GNAL: variants seen among roughly 807,000 people sequenced by gnomAD.
The protein encoded by GNAL is guanine nucleotide-binding protein G(olf) subunit alpha.
GNAL carries 18 observed loss-of-function variants against 55.1 expected under a neutral mutation model. The ratio of observed to expected loss-of-function variants is 0.33; its 90% CI spans 0.23 to 0.48. GNAL has a LOEUF of 0.48. GNAL is among the 20% of genes least tolerant of loss of function. The pLI is 0.99. For missense variants in GNAL, 412 were observed against 614.1 expected (o/e 0.67, Z 3.48); for synonymous variants, 253 against 237.0 (o/e 1.07, Z -0.62).
chr18:11,754,075 A>G lies in GNAL; in HGVS notation c.624+130A>G, dbSNP rs187898019. ...CTTCGAAATCCAGCTCTCTAAATGC[A>G]TAAGAGGAATACTTATTCTGTACCA... On this transcript the variant is annotated intron_variant, in intron 4 of 11. Coordinates refer to ENST00000334049, the MANE Select transcript of GNAL (RefSeq NM_182978.4). The G allele has an allele frequency of 1.7e-4, 123 of 706,764 alleles. No individual in the cohort carries two copies. The African/African-American group carries it at 2.0e-3, about 12-fold the overall frequency. The allele number at this position is 706,764 out of a possible 1,614,324, so 43.8% of individuals were successfully genotyped here. A position where few individuals can be genotyped will look rare whatever the true frequency, so the allele number is the denominator to read the frequency against.
chr18:11,778,506 C>T (rs1443729338), intron 4 of GNAL, among the ~76,000 whole-genome samples: 1 of 152,134 alleles, frequency 6.6e-6, no homozygotes, highest in African/African-American at 2.4e-5. Flanking sequence ...CAAAAACAGT[C>T]TTAGCTTCTC....
intron 4 of GNAL, among the ~76,000 whole-genome samples, chr18:11,785,530 G>C (rs1216394474): frequency 1.3e-5 from 2 of 152,226 alleles, no homozygotes; most frequent in African/African-American, 4.8e-5. Flanking sequence ...CCCAGGCCTG[G>C]AGGCTGCAGG....
chr18:11,806,766 A>G (rs913005328), intron 4 of GNAL, among the ~76,000 whole-genome samples: 1 of 149,814 alleles, frequency 6.7e-6, no homozygotes, highest in Non-Finnish European at 1.5e-5. Context: ...TCTTAAGTTC[A>G]GGGATAATTT....
intron 1 of GNAL, among the ~76,000 whole-genome samples, chr18:11,698,142 G>A (rs768967074): frequency 2.3e-4 from 35 of 152,288 alleles, no homozygotes; most frequent in Admixed American, 1.8e-3. Flanking sequence ...AGCCAAGAAA[G>A]GAAGAGGTTT....
At position 11,868,780 on chromosome 18, in the gene GNAL, G is replaced by A; in HGVS notation, c.1031+117G>A. 1.3e-6 allele frequency: 1 copy of A among 777,572 alleles called. No homozygotes were observed. The highest frequency in any genetic ancestry group is 2.0e-6 in the Non-Finnish European group (1 of 494,142). 48.2% of individuals were successfully genotyped at this position (777,572 alleles called of 1,614,324 possible). A position where few individuals can be genotyped will look rare whatever the true frequency, so the allele number is the denominator to read the frequency against. On this transcript the variant is annotated intron_variant, in intron 9 of 11. Transcript: ENST00000334049. The surrounding 1 kb of genome is among the most constrained non-coding windows in gnomAD (Gnocchi z 4.0). ...GTAATCTCAACACTGGGAGGCCGAG[G>A]CAGGTGTGTCACTTGAGCTCAGCAG...
At chr18:11,787,664 G>A (rs2034097859) in intron 4 of GNAL, among the ~76,000 whole-genome samples, 1 of 152,204 alleles carries the variant, frequency 6.6e-6, no homozygotes, top group African/African-American at 2.4e-5. Flanking sequence ...CACGAGGTCA[G>A]GAGATCGAGA....
chr18:11,799,099 C>T (rs1245781171), intron 4 of GNAL, among the ~76,000 whole-genome samples: 1 of 149,818 alleles, frequency 6.7e-6, no homozygotes, highest in African/African-American at 2.5e-5. Context: ...GGCAACAGAG[C>T]GAGAGTCTGT....
chr18:11,769,624 CTTA>C (rs2033569904), intron 4 of GNAL, among the ~76,000 whole-genome samples: 1 of 152,150 alleles, frequency 6.6e-6, no homozygotes, highest in Non-Finnish European at 1.5e-5. Flanking sequence ...CACGTAATTA[CTTA>C]GTGTTTAAAG....
At chr18:11,860,769 G>C (rs764845845) in intron 5 of GNAL, among the ~76,000 whole-genome samples, 1 of 152,168 alleles carries the variant, frequency 6.6e-6, no homozygotes, top group African/African-American at 2.4e-5. Flanking sequence ...GGTGGACTCC[G>C]AACCCCTGGT....
chr18:11,695,028 C>T (rs1434094203), intron 1 of GNAL, among the ~76,000 whole-genome samples: 2 of 152,040 alleles, frequency 1.3e-5, no homozygotes, highest in African/African-American at 2.4e-5. Flanking sequence ...ACTTAAGGGC[C>T]CTATGTCCAA....
chr18:11,766,838 C>G (rs2033422258), intron 4 of GNAL, among the ~76,000 whole-genome samples: 1 of 152,176 alleles, frequency 6.6e-6, no homozygotes, highest in African/African-American at 2.4e-5. Flanking sequence ...TGAGGGAGAT[C>G]ATAAATTGAA....
chr18:11,729,783 G>A (rs1037431092), intron 1 of GNAL, among the ~76,000 whole-genome samples: 1 of 152,094 alleles, frequency 6.6e-6, no homozygotes, highest in East Asian at 1.9e-4. Context: ...GGCTGCTCGC[G>A]GCTGGCAGAA....
intron 1 of GNAL, among the ~76,000 whole-genome samples, chr18:11,738,353 A>G (rs2032501807): frequency 6.6e-6 from 1 of 151,814 alleles, no homozygotes; most frequent in African/African-American, 2.4e-5. Flanking sequence ...TGCATTGGCC[A>G]GGCCAGGTCT....
At chr18:11,723,044 C>T (rs1440744771) in intron 1 of GNAL, among the ~76,000 whole-genome samples, 5 of 144,620 alleles carry the variant, frequency 3.5e-5, no homozygotes, top group Admixed American at 7.1e-5. Context: ...ATTAGCCTGG[C>T]GTGGTGGCAC....
chr18:11,837,788 T>C (rs2035528596), intron 5 of GNAL, among the ~76,000 whole-genome samples: 1 of 152,164 alleles, frequency 6.6e-6, no homozygotes, highest in African/African-American at 2.4e-5. Context: ...ATTGAAAATA[T>C]ACATCCATGC....
intron 1 of GNAL, among the ~76,000 whole-genome samples, chr18:11,694,155 C>G (rs1393756325): frequency 6.6e-6 from 1 of 152,106 alleles, no homozygotes; most frequent in Non-Finnish European, 1.5e-5. Flanking sequence ...CAGTCAAGTG[C>G]CCTTTATCAC....
rs1018540620 is a variant in GNAL at position 11,752,207 on chromosome 18, A to G, written c.377-646A>G. On this transcript the variant is annotated intron_variant, in intron 1 of 11. Coordinates refer to ENST00000334049, the MANE Select transcript of GNAL (RefSeq NM_182978.4). This position sits in a 1 kb window ranked among gnomAD's most constrained non-coding sequence, Gnocchi z 4.5. ...TGAAACAATTCTCGTGTAAAAAGGC[A>G]TTTTACTCCGCGCGTCTTCCTTACA... The G allele has an allele frequency of 2.7e-6, 2 of 746,350 alleles. No homozygotes were observed. Among genetic ancestry groups the G allele is most frequent in the Non-Finnish European group, 1.9e-6 (1 of 520,192 alleles). The allele number at this position is 746,350 out of a possible 1,614,324, so 46.2% of individuals were successfully genotyped here. A position where few individuals can be genotyped will look rare whatever the true frequency, so the allele number is the denominator to read the frequency against.
intron 5 of GNAL, among the ~76,000 whole-genome samples, chr18:11,836,070 C>G (rs2035492014): frequency 6.6e-6 from 1 of 152,032 alleles, no homozygotes; most frequent in African/African-American, 2.4e-5. Flanking sequence ...TTACTTTAGC[C>G]CAGGAGTCAA....
Position 11,876,204 on chromosome 18 carries a change from C to T in GNAL, c.1163-417C>T, listed in dbSNP as rs72870426. ...AATGAAAATTACATGTTTGGCTGGG[C>T]GCAGTGACTCACGCTTGTAATCCCA... On this transcript the variant is annotated intron_variant, in intron 10 of 11. Coordinates refer to ENST00000334049, the MANE Select transcript of GNAL (RefSeq NM_182978.4). Among the ~76,000 whole-genome samples, 1,037 of 152,286 alleles carry T rather than the reference C, an allele frequency of 6.8e-3. 12 individuals carry two copies. Among genetic ancestry groups the T allele is most frequent in the African/African-American group, 0.023 (937 of 41,562 alleles).
Sources: allele counts gnomAD v4.1 joint callset (sites outside exome capture counted in the v4.1 genomes callset), GRCh38; gene constraint gnomAD v4.1.1; non-coding constraint Gnocchi (gnomAD v3.1); transcripts MANE v1.5; gene names NCBI Gene and HGNC (gene_info 2026-07-23, HGNC 2026-07-21).